The following CSMD1 variants were observed in gnomAD, a reference collection of about 807,000 sequenced individuals.
CSMD1 encodes CUB and Sushi multiple domains 1, also known as CUB and sushi domain-containing protein 1.
A neutral mutation model predicts 417.5 loss-of-function variants in CSMD1; 213 were observed. That is an observed-to-expected ratio of 0.51 (90% CI 0.46 to 0.57). CSMD1 has a LOEUF of 0.57. Ranked by LOEUF, CSMD1 falls within the 20% of genes least tolerant of loss-of-function variation. The probability of loss-of-function intolerance (pLI) is 0.00; values close to 1 mark genes in which losing one functional copy is unlikely to be tolerated. For missense variants in CSMD1, 6,923 were observed against 4,529.7 expected, an observed-to-expected ratio of 1.53 and a Z score of -15.17; for synonymous variants, 2,862 against 1,736.8, an observed-to-expected ratio of 1.65 and a Z score of -16.11.
At chr8:3,766,066 G>A (rs553868232) in intron 5 of CSMD1, among the ~76,000 whole-genome samples, 2 of 152,320 alleles carry the variant, frequency 1.3e-5, no homozygotes, top group South Asian at 2.1e-4. Context: ...GAATTGCTCA[G>A]AACTCAAGCC....
intron 5 of CSMD1, among the ~76,000 whole-genome samples, chr8:3,765,692 C>G (rs909909249): frequency 2.6e-5 from 4 of 152,192 alleles, no homozygotes; most frequent in Non-Finnish European, 4.4e-5. Context: ...CCTCTCATGC[C>G]CAGTGGCTTC....
At chr8:4,858,359 C>G (rs1040075858) in intron 1 of CSMD1, among the ~76,000 whole-genome samples, 4 of 151,734 alleles carry the variant, frequency 2.6e-5, no homozygotes, top group East Asian at 1.9e-4. Context: ...GGGCACAAGA[C>G]AGGGATGCCC....
At chr8:3,250,341 G>C (rs1218224543) in intron 26 of CSMD1, among the ~76,000 whole-genome samples, 2 of 152,168 alleles carry the variant, frequency 1.3e-5, no homozygotes, top group African/African-American at 4.8e-5. Context: ...AGTTTGCTGA[G>C]AATGATGGTT....
intron 49 of CSMD1, among the ~76,000 whole-genome samples, chr8:3,059,075 CAT>C (rs1440629287): frequency 6.6e-6 from 1 of 151,934 alleles, no homozygotes; most frequent in Admixed American, 6.6e-5. Flanking sequence ...CTGTTCCCCG[CAT>C]GTGTCTCCTC....
chr8:3,295,923 G>C (rs374845489), intron 25 of CSMD1, among the ~76,000 whole-genome samples: 3 of 152,008 alleles, frequency 2.0e-5, no homozygotes, highest in Non-Finnish European at 4.4e-5. Flanking sequence ...AGTGCACCTC[G>C]AGGAACTTTG....
At chr8:3,421,704 C>T (rs1813498105) in intron 12 of CSMD1, among the ~76,000 whole-genome samples, 1 of 152,194 alleles carries the variant, frequency 6.6e-6, no homozygotes, top group Non-Finnish European at 1.5e-5. Flanking sequence ...CTGCTGTAAT[C>T]TTGGCTCGCT....
chr8:3,307,792 T>C lies in CSMD1; in HGVS notation c.3853A>G (p.Thr1285Ala). 1 of 1,613,622 alleles carries C rather than the reference T, an allele frequency of 6.2e-7. No homozygotes were observed. The highest frequency in any genetic ancestry group is 8.5e-7 in the Non-Finnish European group (1 of 1,179,656). Reference sequence around the variant, plus strand: ...CCAGGGGACAATATTCGTCCTGATGTGGCTGCATGGATCTGACCACCACAT... The same window carrying C: ...CCAGGGGACAATATTCGTCCTGATGCGGCTGCATGGATCTGACCACCACAT... ...AECGGQIHAA[T>A]SGRILSPGYP... The change falls in exon 25 of 70, where the codon ACA becomes GCA. Residue 1285 changes from threonine to alanine, a missense_variant. Transcript: ENST00000635120.
chr8:4,230,302 C>T (rs951302524), intron 3 of CSMD1, among the ~76,000 whole-genome samples: 2 of 152,142 alleles, frequency 1.3e-5, no homozygotes, highest in African/African-American at 4.8e-5. Flanking sequence ...ATTTAATCCT[C>T]AATTAATCTA....
intron 1 of CSMD1, among the ~76,000 whole-genome samples, chr8:4,891,047 C>T (rs1804088561): frequency 2.0e-5 from 3 of 152,116 alleles, no homozygotes; most frequent in Admixed American, 2.0e-4. Flanking sequence ...CCATTCATTA[C>T]ATGCCCAAAT....
chr8:4,479,083 G>C (rs2130113430), intron 2 of CSMD1, among the ~76,000 whole-genome samples: 1 of 152,144 alleles, frequency 6.6e-6, no homozygotes, highest in African/African-American at 2.4e-5. Context: ...CGTGTGTAAA[G>C]AAATAAGACA....
intron 49 of CSMD1, among the ~76,000 whole-genome samples, chr8:3,075,415 G>A (rs1328462205): frequency 1.3e-5 from 2 of 151,702 alleles, no homozygotes; most frequent in South Asian, 4.2e-4. Flanking sequence ...CCAAGTAGCT[G>A]GGATTACAGG....
At chr8:3,487,237 T>G (rs1462578484) in intron 11 of CSMD1, among the ~76,000 whole-genome samples, 3 of 152,232 alleles carry the variant, frequency 2.0e-5, no homozygotes, top group Non-Finnish European at 4.4e-5. Flanking sequence ...AGTCTAGCTC[T>G]GTCTCCCAGG....
intron 1 of CSMD1, among the ~76,000 whole-genome samples, chr8:4,656,396 G>A (rs1804232251): frequency 6.6e-6 from 1 of 152,026 alleles, no homozygotes; most frequent in Non-Finnish European, 1.5e-5. Context: ...TCTCAGTAAA[G>A]TGGGGACACT....
At position 3,970,736 on chromosome 8, in the gene CSMD1, T is replaced by C. The variant is rs376006884; in HGVS notation, c.818+27167A>G. On this transcript the variant is annotated intron_variant, in intron 5 of 69. Transcript: ENST00000635120. ...GTGCACCTCTGCTTAACAGGTGGCA[T>C]GGCATCTTGTTTTTTGTTTTTTTGT... 9.9e-5 allele frequency among the ~76,000 whole-genome samples: 15 copies of C among 152,188 alleles called. No individual in the cohort carries two copies. The East Asian group carries it at 1.4e-3, about 14-fold the overall frequency.
At chr8:4,987,236 T>A (rs548802638) in intron 1 of CSMD1, among the ~76,000 whole-genome samples, 1 of 152,280 alleles carries the variant, frequency 6.6e-6, no homozygotes, top group Non-Finnish European at 1.5e-5. Flanking sequence ...AGCCATGGAA[T>A]TTGCATTGAA....
At chr8:4,570,704 T>C (rs1236791992) in intron 2 of CSMD1, among the ~76,000 whole-genome samples, 1 of 152,208 alleles carries the variant, frequency 6.6e-6, no homozygotes, top group Non-Finnish European at 1.5e-5. Context: ...TTTGGAATAG[T>C]TTCAGAAGGA....
chr8:3,026,205 G>T (rs1004721614), intron 51 of CSMD1, among the ~76,000 whole-genome samples: 2 of 152,158 alleles, frequency 1.3e-5, no homozygotes, highest in African/African-American at 4.8e-5. Context: ...TGGGGTGGGG[G>T]ACAGAGGGCC....
chr8:3,532,837 C>A (rs978900282), intron 10 of CSMD1, among the ~76,000 whole-genome samples: 13 of 152,118 alleles, frequency 8.5e-5, no homozygotes, highest in African/African-American at 3.1e-4. Context: ...TTAAAGCACA[C>A]AGCACAATGA....
intron 5 of CSMD1, among the ~76,000 whole-genome samples, chr8:3,976,804 C>T (rs1813469881): frequency 2.0e-5 from 3 of 152,126 alleles, no homozygotes; most frequent in African/African-American, 4.8e-5. Flanking sequence ...AGGTCGCATG[C>T]CTGTAGAATA....
Sources: gnomAD v4.1 joint callset for allele counts (sites outside exome capture counted in the v4.1 genomes callset) on GRCh38, gnomAD v4.1.1 for gene constraint, MANE v1.5 for transcripts, NCBI Gene and HGNC (gene_info 2026-07-23, HGNC 2026-07-21) for gene names.